PARVB: variants seen among roughly 807,000 people sequenced by gnomAD.
PARVB encodes parvin beta, also known as beta-parvin.
PARVB carries 46 observed loss-of-function variants against 47.0 expected under a neutral mutation model. The observed-to-expected ratio is 0.98, with a 90% CI of 0.77 to 1.25. The LOEUF (loss-of-function observed/expected upper bound fraction) is 1.25, where lower values mean the gene tolerates loss of function less well. PARVB is among the 50% of genes most tolerant of loss of function. The probability of loss-of-function intolerance (pLI) is 0.00; values close to 1 mark genes in which losing one functional copy is unlikely to be tolerated. For synonymous variants in PARVB, 196 were observed against 196.3 expected (o/e 1.00, Z 0.01); for missense variants, 473 against 471.6 (o/e 1.00, Z -0.03).
intron 2 of PARVB, chr22:44,009,613 G>A (rs1009845159): frequency 4.7e-5 from 7 of 150,448 alleles, no homozygotes; most frequent in African/African-American, 1.5e-4. Flanking sequence ...TATAATATAT[G>A]TGATATATGT....
At chr22:44,064,203 G>T (rs544257734) in intron 1 of PARVB, among the ~76,000 whole-genome samples, 60 of 152,324 alleles carry the variant, frequency 3.9e-4, no homozygotes, top group Non-Finnish European at 7.2e-4. Context: ...ACCAGCCCTC[G>T]GTGCAGCCAG....
chr22:44,042,357 G>A (rs1304462617), intron 1 of PARVB, among the ~76,000 whole-genome samples: 1 of 152,146 alleles, frequency 6.6e-6, no homozygotes, highest in East Asian at 1.9e-4. Flanking sequence ...GGTGGCGGAG[G>A]TTGCGGTGAG....
chr22:44,127,910 CG>C (rs369876338), intron 4 of PARVB, among the ~76,000 whole-genome samples: 3 of 152,032 alleles, frequency 2.0e-5, no homozygotes, highest in African/African-American at 4.8e-5. Context: ...TCAGCTTCCC[CG>C]GGAAGCTGGG....
chr22:44,131,516 G>T lies in PARVB; in HGVS notation c.406G>T (p.Ala136Ser), dbSNP rs2053318451. 6.2e-7 allele frequency: 1 copy of T among 1,613,988 alleles called. No homozygotes were observed. The highest frequency in any genetic ancestry group is 8.5e-7 in the Non-Finnish European group (1 of 1,180,036). ...EKLAGCKLNV[A>S]EVTQSEIGQK... is the part of the protein sequence containing the mutation. Reference sequence around the variant, plus strand: ...ACTGGCAGGGTGCAAGCTGAATGTGGCTGAGGTGACACAGTCCGAAATAGG... The same window carrying T: ...ACTGGCAGGGTGCAAGCTGAATGTGTCTGAGGTGACACAGTCCGAAATAGG... Residue 136 changes from alanine (A) to serine (S), a missense_variant, in exon 5 of 13, where the codon GCT becomes TCT. By Grantham distance (99) the Ala-to-Ser change is moderately conservative. Coordinates refer to ENST00000338758, the MANE Select transcript of PARVB (RefSeq NM_013327.5).
intron 4 of PARVB, 138 bp downstream of exon 4, chr22:44,119,278 G>A (rs1406482266): frequency 1.5e-6 from 1 of 678,650 alleles, no homozygotes; most frequent in African/African-American, 1.7e-5. Flanking sequence ...CATCTCCCAG[G>A]TGGTGCCCAG....
rs926200960 is a variant in PARVB, at chr22:44,103,708, G to C, written c.273+3585G>C. 1 of 152,268 alleles carries C rather than the reference G, an allele frequency of 6.6e-6. No homozygotes were observed. Among genetic ancestry groups the C allele is most frequent in the Non-Finnish European group, 1.5e-5 (1 of 68,068 alleles). 9.4% of individuals were successfully genotyped at this position (152,268 alleles called of 1,614,324 possible). A position where few individuals can be genotyped will look rare whatever the true frequency, so the allele number is the denominator to read the frequency against. ...TGTCTGTATAAGAGGGACATGGGGA[G>C]CTTTGACTGCCCATGAACATGGCAG... On this transcript the variant is annotated intron_variant, in intron 3 of 12. Coordinates refer to ENST00000338758, the MANE Select transcript of PARVB (RefSeq NM_013327.5). The surrounding 1 kb of genome is among the most constrained non-coding windows in gnomAD (Gnocchi z 4.6).
Position 44,032,217 on chromosome 22 carries a change from C to G in PARVB, c.112+7766C>G, listed in dbSNP as rs370051411. Among the ~76,000 whole-genome samples the G allele has an allele frequency of 8.5e-5, 13 of 152,286 alleles. 1 individual carries two copies. The South Asian group carries it at 1.0e-3, about 12-fold the overall frequency. On this transcript the variant is annotated intron_variant, in intron 1 of 12. Transcript: ENST00000338758. The stretch of plus-strand genomic sequence containing the variant: ...CAGGCTGACATATTCAAATGAGAGC[C>G]TTCTCTCTGGTTACAAGAAAAAAAT...
chr22:44,067,725 T>C (rs2051565890), intron 1 of PARVB, among the ~76,000 whole-genome samples: 1 of 152,208 alleles, frequency 6.6e-6, no homozygotes, highest in Non-Finnish European at 1.5e-5. Flanking sequence ...AAAACCAGTG[T>C]TGGGAACTGC....
intron 2 of PARVB, among the ~76,000 whole-genome samples, chr22:44,002,052 G>C (rs1318031572): frequency 6.6e-6 from 1 of 152,248 alleles, no homozygotes; most frequent in Non-Finnish European, 1.5e-5. Flanking sequence ...TGGCCATAGG[G>C]GTGTGTTGCC....
intron 1 of PARVB, among the ~76,000 whole-genome samples, chr22:44,038,613 T>C (rs2050962858): frequency 6.6e-6 from 1 of 152,016 alleles, no homozygotes. Context: ...AAACCCCATC[T>C]CTACTAAAAA....
At chr22:44,018,144 A>G (rs550359088) in intron 2 of PARVB, among the ~76,000 whole-genome samples, 2 of 152,028 alleles carry the variant, frequency 1.3e-5, no homozygotes, top group Non-Finnish European at 2.9e-5. Context: ...GCTCACACCT[A>G]TACTCCCAGC....
intron 1 of PARVB, among the ~76,000 whole-genome samples, chr22:44,093,353 T>C (rs945083699): frequency 2.0e-5 from 3 of 152,252 alleles, no homozygotes; most frequent in Non-Finnish European, 4.4e-5. Context: ...GTTTCTGACT[T>C]GGAGCCTCTG....
intron 1 of PARVB, among the ~76,000 whole-genome samples, chr22:44,082,008 C>T (rs949713787): frequency 1.3e-5 from 2 of 152,156 alleles, no homozygotes; most frequent in African/African-American, 4.8e-5. Context: ...CGTCGAAGGA[C>T]TTGCTAAGGA....
intron 6 of PARVB, among the ~76,000 whole-genome samples, chr22:44,136,095 A>G (rs1298083405): frequency 6.6e-6 from 1 of 152,128 alleles, no homozygotes; most frequent in Admixed American, 6.5e-5. Flanking sequence ...GTTCCCTGTT[A>G]TTTATGTTCC....
chr22:44,146,348 C>G (rs1021663589), intron 8 of PARVB: 2 of 141,686 alleles, frequency 1.4e-5, no homozygotes, highest in Non-Finnish European at 3.1e-5. Context: ...CACACAGGTG[C>G]TCACACACAC....
chr22:44,136,983 G>C (rs1306295931), intron 7 of PARVB, among the ~76,000 whole-genome samples: 1 of 152,220 alleles, frequency 6.6e-6, no homozygotes, highest in Admixed American at 6.5e-5. Context: ...AGTCTAAAAG[G>C]CTTCAAATCT....
chr22:44,076,643 G>A (rs1399059374), intron 1 of PARVB, among the ~76,000 whole-genome samples: 3 of 152,170 alleles, frequency 2.0e-5, no homozygotes, highest in East Asian at 1.9e-4. Flanking sequence ...TTGTTTATAG[G>A]CGTGCCTGGG....
intron 1 of PARVB, among the ~76,000 whole-genome samples, chr22:44,087,860 T>C (rs1778061263): frequency 6.7e-6 from 1 of 148,566 alleles, no homozygotes. Context: ...TTTTTTTTTT[T>C]TTTCTTTTTT....
chr22:44,000,852 A>G (rs1054991572), intron 2 of PARVB, among the ~76,000 whole-genome samples: 2 of 152,234 alleles, frequency 1.3e-5, no homozygotes, highest in Admixed American at 1.3e-4. Context: ...TTGTTTACCC[A>G]GGCATGCTTT....
Sources: allele counts gnomAD v4.1 joint callset (sites outside exome capture counted in the v4.1 genomes callset), GRCh38; gene constraint gnomAD v4.1.1; non-coding constraint Gnocchi (gnomAD v3.1); transcripts MANE v1.5; gene names NCBI Gene and HGNC (gene_info 2026-07-23, HGNC 2026-07-21).